Variants in ZNF385D observed in about 807,000 individuals in gnomAD.
ZNF385D encodes zinc finger protein 385D, also known as zinc finger protein 659.
A neutral mutation model predicts 35.8 loss-of-function variants in ZNF385D; 15 were observed. The observed-to-expected ratio is 0.42, with a 90% CI of 0.28 to 0.64. The LOEUF (loss-of-function observed/expected upper bound fraction) is 0.64, where lower values mean the gene tolerates loss of function less well. ZNF385D is among the 30% of genes least tolerant of loss of function. The pLI, the probability that ZNF385D is intolerant of heterozygous loss-of-function variation, is 0.23. For synonymous variants in ZNF385D, 212 were observed against 186.8 expected, an observed-to-expected ratio of 1.13 and a Z score of -1.10; for missense variants, 474 against 494.6, an observed-to-expected ratio of 0.96 and a Z score of 0.39.
Position 22,144,468 on chromosome 3 carries a change from G to A in ZNF385D, c.325+24349C>T, listed in dbSNP as rs541516889. Reference sequence around the variant, plus strand: ...GTGGTGCATGCCTTCGAGCTACTGCGGAGGCTAAGGCAGGAAATTGCTTGA... The same window carrying A: ...GTGGTGCATGCCTTCGAGCTACTGCAGAGGCTAAGGCAGGAAATTGCTTGA... On this transcript the variant is annotated intron_variant, in intron 3 of 5. Transcript: ENST00000494108. 1.7e-4 allele frequency among the ~76,000 whole-genome samples: 25 copies of A among 151,044 alleles called. 1 individual carries two copies. The highest frequency in any genetic ancestry group is 4.6e-4 in the Admixed American group (7 of 15,124).
intron 2 of ZNF385D, among the ~76,000 whole-genome samples, chr3:21,658,958 T>C (rs529673485): frequency 6.6e-6 from 1 of 152,110 alleles, no homozygotes; most frequent in South Asian, 2.1e-4. Context: ...TTCTAGTACC[T>C]GATAGAAGAG....
At chr3:21,496,018 A>C (rs920656549) in intron 4 of ZNF385D, among the ~76,000 whole-genome samples, 5 of 151,936 alleles carry the variant, frequency 3.3e-5, no homozygotes, top group Non-Finnish European at 5.9e-5. Flanking sequence ...AATCCCTGAA[A>C]AAACCAATAA....
intron 3 of ZNF385D, among the ~76,000 whole-genome samples, chr3:21,965,196 G>A (rs936759875): frequency 6.6e-6 from 1 of 152,146 alleles, no homozygotes; most frequent in Non-Finnish European, 1.5e-5. Flanking sequence ...AATAGACTCT[G>A]ACCCTAAGTT....
In ZNF385D at chr3:22,104,353, C is replaced by T. The variant is rs151329634; in HGVS notation, c.325+64464G>A. 5.5e-3 allele frequency among the ~76,000 whole-genome samples: 842 copies of T among 152,204 alleles called. 4 individuals are homozygous for T. Among genetic ancestry groups the T allele is most frequent in the Non-Finnish European group, 9.9e-3 (674 of 67,994 alleles). The stretch of plus-strand genomic sequence containing the variant: ...AAAAAAAGGATGACGTTTTATTACT[C>T]GTTCACTATAATCTACTTTGTTGAT... On this transcript the variant is annotated intron_variant, in intron 3 of 5. Transcript: ENST00000494108.
chr3:22,336,245 A>G (rs899721442), intron 2 of ZNF385D, among the ~76,000 whole-genome samples: 2 of 152,180 alleles, frequency 1.3e-5, no homozygotes, highest in African/African-American at 2.4e-5. Flanking sequence ...CCATTATGAT[A>G]TAATGTTAAG....
chr3:22,010,604 G>A (rs1285264168), intron 3 of ZNF385D, among the ~76,000 whole-genome samples: 1 of 152,108 alleles, frequency 6.6e-6, no homozygotes, highest in East Asian at 1.9e-4. Flanking sequence ...TCCAGTCTAA[G>A]ACTCTTCTGA....
In ZNF385D at chr3:21,421,265, A is replaced by C. The variant is rs1700720855; in HGVS notation, c.1137T>G (p.Ala379=). 3 of 1,614,108 alleles carry C rather than the reference A, an allele frequency of 1.9e-6. No individual in the cohort carries two copies. The highest frequency in any genetic ancestry group is 2.5e-6 in the Non-Finnish European group (3 of 1,180,040). ...SALPPALLRP[A]PGPIRTAHTP... ...TGTGGGCGGTCCGAATGGGTCCAGG[A>C]GCTGGCCGCAGGAGTGCCGGAGGAA... The change falls in exon 8 of 8, where the codon GCT becomes GCG. Residue 379 remains alanine, a synonymous_variant. Transcript: ENST00000281523.
chr3:22,033,123 C>T (rs75507451), intron 3 of ZNF385D, among the ~76,000 whole-genome samples: 316 of 152,130 alleles, frequency 2.1e-3, no homozygotes, highest in Middle Eastern at 6.8e-3. Flanking sequence ...ACAGTGAGGC[C>T]GGGCACAGTG....
intron 3 of ZNF385D, among the ~76,000 whole-genome samples, chr3:21,985,849 G>A (rs1176703958): frequency 8.2e-6 from 1 of 122,304 alleles, no homozygotes; most frequent in Non-Finnish European, 1.6e-5. Context: ...TTCAGCTCCT[G>A]TTATTGGTCT....
chr3:22,255,535 G>C (rs561239876), intron 2 of ZNF385D, among the ~76,000 whole-genome samples: 2 of 151,698 alleles, frequency 1.3e-5, no homozygotes, highest in East Asian at 3.9e-4. Flanking sequence ...TTAACTGTAG[G>C]ATCGTTTTAT....
At chr3:21,615,721 T>G (rs1302878717) in intron 2 of ZNF385D, among the ~76,000 whole-genome samples, 1 of 151,954 alleles carries the variant, frequency 6.6e-6, no homozygotes, top group Non-Finnish European at 1.5e-5. Context: ...GGGTTGCAGG[T>G]GGCTAAACTA....
intron 3 of ZNF385D, among the ~76,000 whole-genome samples, chr3:21,525,953 T>G (rs1479671847): frequency 6.6e-6 from 1 of 152,152 alleles, no homozygotes; most frequent in African/African-American, 2.4e-5. Flanking sequence ...CCCTTGGGCA[T>G]ATATTAACAA....
chr3:21,684,361 TTCTCCTC>T (rs1414409382), intron 1 of ZNF385D, among the ~76,000 whole-genome samples: 8 of 110,280 alleles, frequency 7.3e-5, no homozygotes, highest in South Asian at 3.1e-4. Flanking sequence ...TGGTTAACTG[TTCTCCTC>T]TCTCTCTCTC....
rs61226426 is a variant in ZNF385D at position 21,757,120 on chromosome 3, C to CTTTTTTTTTTTT, written c.326-92104_326-92093dup. On this transcript the variant is annotated intron_variant, in intron 3 of 5. Transcript: ENST00000494108. ...CTTTGGAGACATATGATAAATTTCT[C>CTTTTTTTTTTTT]TTTTTTTTTTTTTTTTTTTGTTTTC... Among the ~76,000 whole-genome samples the CTTTTTTTTTTTT allele has an allele frequency of 3.6e-3, 380 of 106,354 alleles. 6 individuals are homozygous for CTTTTTTTTTTTT. The highest frequency in any genetic ancestry group is 6.6e-3 in the African/African-American group (183 of 27,884). 69.8% of individuals were successfully genotyped at this position (106,354 alleles called of 152,430 possible). A position where few individuals can be genotyped will look rare whatever the true frequency, so the allele number is the denominator to read the frequency against.
intron 3 of ZNF385D, among the ~76,000 whole-genome samples, chr3:21,965,895 G>C (rs1263497966): frequency 6.6e-6 from 1 of 152,088 alleles, no homozygotes; most frequent in African/African-American, 2.4e-5. Flanking sequence ...AAAGCAAATG[G>C]GAAACCTGCA....
intron 2 of ZNF385D, among the ~76,000 whole-genome samples, chr3:22,293,399 T>C (rs1446387688): frequency 6.6e-6 from 1 of 152,130 alleles, no homozygotes; most frequent in Non-Finnish European, 1.5e-5. Context: ...ATCTTCTTTT[T>C]AATTTAGAAA....
chr3:22,139,520 A>G (rs1246968311), intron 3 of ZNF385D, among the ~76,000 whole-genome samples: 1 of 152,002 alleles, frequency 6.6e-6, no homozygotes, highest in Non-Finnish European at 1.5e-5. Context: ...CAAGGACAAC[A>G]AACCAAACAC....
chr3:22,274,085 G>A (rs572104715), intron 2 of ZNF385D, among the ~76,000 whole-genome samples: 1 of 151,782 alleles, frequency 6.6e-6, no homozygotes, highest in East Asian at 1.9e-4. Flanking sequence ...TTTAATTCAA[G>A]GATCCTTGAA....
chr3:21,759,759 C>T (rs189118890), intron 3 of ZNF385D, among the ~76,000 whole-genome samples: 45 of 152,182 alleles, frequency 3.0e-4, no homozygotes, highest in Non-Finnish European at 1.5e-5. Flanking sequence ...AAGTAAACAG[C>T]GTTATATTGA....
Sources: allele counts gnomAD v4.1 joint callset (sites outside exome capture counted in the v4.1 genomes callset), GRCh38; gene constraint gnomAD v4.1.1; transcripts MANE v1.5; gene names NCBI Gene and HGNC (gene_info 2026-07-23, HGNC 2026-07-21).